SESTD1: variants seen among roughly 807,000 people sequenced by gnomAD.
SESTD1 encodes the protein SEC14 domain and spectrin repeat-containing protein 1.
SESTD1 carries 43 observed loss-of-function variants against 101.7 expected under a neutral mutation model. The observed-to-expected ratio is 0.42, with a 90% CI of 0.33 to 0.55. SESTD1 has a LOEUF of 0.55. Ranked by LOEUF, SESTD1 falls within the 20% of genes least tolerant of loss-of-function variation. The pLI, the probability that SESTD1 is intolerant of heterozygous loss-of-function variation, is 0.07. For missense variants in SESTD1, 647 were observed against 815.1 expected, an observed-to-expected ratio of 0.79 and a Z score of 2.51; for synonymous variants, 283 against 286.8, an observed-to-expected ratio of 0.99 and a Z score of 0.13.
At chr2:179,129,068 G>A (rs1575429502) in intron 10 of SESTD1, among the ~76,000 whole-genome samples, 2 of 152,308 alleles carry the variant, frequency 1.3e-5, no homozygotes, top group East Asian at 3.9e-4. Context: ...AGGAAACAGT[G>A]CCAACTCGGG....
At position 179,193,543 on chromosome 2, in the gene SESTD1, G is replaced by A. The variant is rs114873504; in HGVS notation, c.-25-1677C>T. On this transcript the variant is annotated intron_variant, in intron 1 of 17. Coordinates refer to ENST00000428443, the MANE Select transcript of SESTD1 (RefSeq NM_178123.5). ...GACCAGCTTGTTGAAGACCTGATTT[G>A]AAAGTTTGATAAAGGGGTGATAATA... Among the ~76,000 whole-genome samples, 374 of 152,254 alleles carry A rather than the reference G, an allele frequency of 2.5e-3. 2 individuals carry two copies. The highest frequency in any genetic ancestry group is 8.3e-3 in the African/African-American group (346 of 41,542).
intron 17 of SESTD1, 39 bp downstream of exon 17, chr2:179,112,685 C>G (rs541803159): frequency 6.4e-7 from 1 of 1,556,888 alleles, no homozygotes; most frequent in Admixed American, 2.1e-5. Context: ...TTTAAGACCA[C>G]ACCAATAAAA....
At chr2:179,228,613 C>G (rs1016854123) in intron 1 of SESTD1, among the ~76,000 whole-genome samples, 1 of 152,154 alleles carries the variant, frequency 6.6e-6, no homozygotes, top group African/African-American at 2.4e-5. Flanking sequence ...GTAACCTACT[C>G]TGGTTTCAGT....
chr2:179,184,056 G>A (rs2046166963), intron 2 of SESTD1, among the ~76,000 whole-genome samples: 1 of 152,160 alleles, frequency 6.6e-6, no homozygotes, highest in Non-Finnish European at 1.5e-5. Context: ...CTGCCCAGCT[G>A]AGAAGGGTAC....
In SESTD1 at chr2:179,110,048, G is replaced by GA. The variant is rs2044472913; in HGVS notation, c.1962-21dup. The GA allele has an allele frequency of 1.2e-6, 2 of 1,610,878 alleles. No homozygotes were observed. The highest frequency in any genetic ancestry group is 2.2e-5 in the South Asian group (2 of 90,694). ...TCGGTTCTAAAAATCAAAACACACA[G>GA]AAAAACCTCAGATTAATACAAATCT... On this transcript the variant is annotated intron_variant, in intron 17 of 17. Coordinates refer to ENST00000428443, the MANE Select transcript of SESTD1 (RefSeq NM_178123.5).
intron 1 of SESTD1, among the ~76,000 whole-genome samples, chr2:179,232,963 G>T (rs1052924296): frequency 6.6e-5 from 10 of 152,284 alleles, no homozygotes; most frequent in Admixed American, 2.0e-4. Context: ...ACACTTTTCT[G>T]TGTATAGCTT....
At chr2:179,236,068 CTAT>C (rs1364684469) in intron 1 of SESTD1, among the ~76,000 whole-genome samples, 1 of 152,106 alleles carries the variant, frequency 6.6e-6, no homozygotes, top group Non-Finnish European at 1.5e-5. Context: ...ACCTTCCACT[CTAT>C]TATGATTATC....
intron 1 of SESTD1, among the ~76,000 whole-genome samples, chr2:179,215,729 G>A (rs1172530697): frequency 7.4e-6 from 1 of 134,986 alleles, no homozygotes; most frequent in Non-Finnish European, 1.6e-5. Context: ...GAACACTGAT[G>A]CGAAAATCCT....
intron 1 of SESTD1, among the ~76,000 whole-genome samples, chr2:179,263,693 C>G (rs1230526840): frequency 6.6e-6 from 1 of 152,204 alleles, no homozygotes; most frequent in Non-Finnish European, 1.5e-5. Flanking sequence ...GCTGTCAGAG[C>G]AACAGCCAAG....
chr2:179,256,737 G>A (rs545474224), intron 1 of SESTD1, among the ~76,000 whole-genome samples: 26 of 151,222 alleles, frequency 1.7e-4, no homozygotes, highest in African/African-American at 4.4e-4. Context: ...ACTTGAACCC[G>A]GGAGGCAGAG....
At chr2:179,234,726 A>C (rs1241234303) in intron 1 of SESTD1, among the ~76,000 whole-genome samples, 1 of 152,234 alleles carries the variant, frequency 6.6e-6, no homozygotes, top group Non-Finnish European at 1.5e-5. Context: ...CCAGAAACGC[A>C]TAACCTGAAT....
intron 15 of SESTD1, among the ~76,000 whole-genome samples, chr2:179,116,399 T>C (rs2154393817): frequency 6.6e-6 from 1 of 152,324 alleles, no homozygotes; most frequent in East Asian, 1.9e-4. Flanking sequence ...TTAACTTCTG[T>C]GGATGAACAG....
chr2:179,256,562 CA>C (rs2047396770), intron 1 of SESTD1, among the ~76,000 whole-genome samples: 1 of 152,208 alleles, frequency 6.6e-6, no homozygotes, highest in South Asian at 2.1e-4. Flanking sequence ...CCTGTAATCC[CA>C]GCACTTTGGG....
intron 1 of SESTD1, among the ~76,000 whole-genome samples, chr2:179,195,582 C>A (rs2046378465): frequency 6.6e-6 from 1 of 152,106 alleles, no homozygotes; most frequent in South Asian, 2.1e-4. Context: ...TCAAACAAGC[C>A]CTAGCAAGAA....
At chr2:179,147,162 A>G (rs2045413480) in intron 7 of SESTD1, among the ~76,000 whole-genome samples, 1 of 151,962 alleles carries the variant, frequency 6.6e-6, no homozygotes, top group Non-Finnish European at 1.5e-5. Context: ...AGGTTGAAAA[A>G]AAAAACAGAC....
chr2:179,258,351 TTTTG>T (rs1292375268), intron 1 of SESTD1, among the ~76,000 whole-genome samples: 1 of 152,190 alleles, frequency 6.6e-6, no homozygotes, highest in African/African-American at 2.4e-5. Context: ...CTCAAAAGCA[TTTTG>T]TTTCATACAT....
At position 179,102,942 on chromosome 2, in the gene SESTD1, TC is replaced by T. The variant is rs2044303384; in HGVS notation, c.*6956del. 6.6e-6 allele frequency: 1 copy of T among 152,118 alleles called. No homozygotes were observed. The highest frequency in any genetic ancestry group is 1.9e-4 in the East Asian group (1 of 5,200). The allele number at this position is 152,118 out of a possible 1,614,324, so 9.4% of individuals were successfully genotyped here. ...TGGGGGACTTCCCTGTCCAGGTGAC[TC>T]TCTCTCACATAGCTGTACCTGGGGC... is the stretch of plus-strand genomic sequence containing the variant. On this transcript the variant is annotated 3_prime_UTR_variant, in exon 18 of 18. Coordinates refer to ENST00000428443, the MANE Select transcript of SESTD1 (RefSeq NM_178123.5).
chr2:179,134,585 A>G (rs1168772987), intron 9 of SESTD1, among the ~76,000 whole-genome samples: 1 of 152,204 alleles, frequency 6.6e-6, no homozygotes, highest in Admixed American at 6.5e-5. Context: ...TAACACATAT[A>G]TAGCAGTTAT....
At chr2:179,252,097 C>T (rs1362563201) in intron 1 of SESTD1, among the ~76,000 whole-genome samples, 4 of 152,168 alleles carry the variant, frequency 2.6e-5, no homozygotes, top group Non-Finnish European at 5.9e-5. Flanking sequence ...AACTGATAGG[C>T]TTAAATATTC....
Sources: gnomAD v4.1 joint callset for allele counts (sites outside exome capture counted in the v4.1 genomes callset) on GRCh38, gnomAD v4.1.1 for gene constraint, MANE v1.5 for transcripts, NCBI Gene and HGNC (gene_info 2026-07-23, HGNC 2026-07-21) for gene names.